The following NRG3 variants were observed in gnomAD, a reference collection of about 807,000 sequenced individuals.
NRG3 encodes pro-neuregulin-3, membrane-bound isoform.
A neutral mutation model predicts 66.9 loss-of-function variants in NRG3; 31 were observed. The observed-to-expected ratio is 0.46, with a 90% CI of 0.35 to 0.63. The LOEUF (loss-of-function observed/expected upper bound fraction) is 0.63. NRG3 is among the 20% of genes least tolerant of loss of function. The pLI is 0.00. For synonymous variants in NRG3, 393 were observed against 359.4 expected, an observed-to-expected ratio of 1.09 and a Z score of -1.06; for missense variants, 910 against 878.9, an observed-to-expected ratio of 1.04 and a Z score of -0.45.
chr10:82,822,334 C>T (rs571604151), intron 3 of NRG3, among the ~76,000 whole-genome samples: 6 of 152,086 alleles, frequency 3.9e-5, no homozygotes, highest in African/African-American at 7.2e-5. Flanking sequence ...ACATCTGAGA[C>T]GGGGAGTTCC....
At chr10:82,727,633 C>T (rs1784649161) in intron 2 of NRG3, among the ~76,000 whole-genome samples, 1 of 152,220 alleles carries the variant, frequency 6.6e-6, no homozygotes, top group African/African-American at 2.4e-5. Flanking sequence ...AGAACCTCTG[C>T]TAGGGCAGTG....
Position 81,981,944 on chromosome 10 carries a change from C to G in NRG3, c.823+105781C>G, listed in dbSNP as rs561316299. 2.0e-5 allele frequency among the ~76,000 whole-genome samples: 3 copies of G among 152,168 alleles called. No individual in the cohort carries two copies. The South Asian group carries it at 6.2e-4, about 32-fold the overall frequency. ...AAGTGATTAGATCTATGAGTCACAT[C>G]CATAATTTCTTTATGGAGTAATTGT... On this transcript the variant is annotated intron_variant, in intron 1 of 8. Coordinates refer to ENST00000372141, the MANE Select transcript of NRG3 (RefSeq NM_001010848.4).
intron 1 of NRG3, among the ~76,000 whole-genome samples, chr10:82,098,114 TC>T (rs2066476262): frequency 6.6e-6 from 1 of 151,334 alleles, no homozygotes; most frequent in Non-Finnish European, 1.5e-5. Context: ...TATATAGATG[TC>T]TCATATATAG....
intron 2 of NRG3, among the ~76,000 whole-genome samples, chr10:82,423,163 T>C (rs1250766564): frequency 6.6e-6 from 1 of 151,978 alleles, no homozygotes; most frequent in East Asian, 1.9e-4. Context: ...TTCTCTGATG[T>C]CTAAAACAAA....
Position 82,634,854 on chromosome 10 carries a change from T to C in NRG3, c.954-103723T>C, listed in dbSNP as rs117473297. Among the ~76,000 whole-genome samples the C allele has an allele frequency of 8.7e-4, 132 of 152,274 alleles. No homozygotes were observed. The East Asian group carries it at 0.024, about 28-fold the overall frequency. ...TTTATAATGTTACATTGTTATAAAT[T>C]GTAGGGGTAGAAGACAAGAGAAGCC... On this transcript the variant is annotated intron_variant, in intron 2 of 8. Transcript: ENST00000372141.
intron 6 of NRG3, among the ~76,000 whole-genome samples, chr10:82,968,521 A>G (rs1261335482): frequency 1.3e-5 from 2 of 152,242 alleles, no homozygotes; most frequent in Non-Finnish European, 2.9e-5. Flanking sequence ...GAACAGGTTA[A>G]GAGGTTAATT....
intron 7 of NRG3, among the ~76,000 whole-genome samples, chr10:82,976,710 G>C (rs1216164317): frequency 6.6e-6 from 1 of 152,156 alleles, no homozygotes; most frequent in Non-Finnish European, 1.5e-5. Flanking sequence ...TGTGGGTTCA[G>C]TGTAAGGCAC....
At chr10:82,698,405 A>C (rs1462328458) in intron 2 of NRG3, among the ~76,000 whole-genome samples, 1 of 152,172 alleles carries the variant, frequency 6.6e-6, no homozygotes, top group East Asian at 1.9e-4. Context: ...ACAGGGGAAA[A>C]AGTCTACTCA....
At chr10:82,704,528 G>A (rs2056144092) in intron 2 of NRG3, among the ~76,000 whole-genome samples, 1 of 152,120 alleles carries the variant, frequency 6.6e-6, no homozygotes, top group South Asian at 2.1e-4. Flanking sequence ...CACTACCAAA[G>A]GAGGAACTTG....
chr10:82,527,624 G>A (rs1846846755), intron 2 of NRG3, among the ~76,000 whole-genome samples: 1 of 152,146 alleles, frequency 6.6e-6, no homozygotes, highest in African/African-American at 2.4e-5. Flanking sequence ...CAGCCAAAAG[G>A]GAGTCTCCAG....
intron 2 of NRG3, among the ~76,000 whole-genome samples, chr10:82,561,646 C>T (rs2045052775): frequency 6.6e-6 from 1 of 152,104 alleles, no homozygotes; most frequent in Admixed American, 6.6e-5. Flanking sequence ...TATTTCTTCC[C>T]AACACTCCCA....
chr10:82,366,669 C>G (rs529654650), intron 2 of NRG3, among the ~76,000 whole-genome samples: 5 of 151,984 alleles, frequency 3.3e-5, no homozygotes, highest in African/African-American at 1.2e-4. Flanking sequence ...AGGCTGTTGA[C>G]TTTTTTATTT....
At chr10:82,764,292 T>C (rs985552236) in intron 3 of NRG3, among the ~76,000 whole-genome samples, 64 of 152,070 alleles carry the variant, frequency 4.2e-4, no homozygotes, top group African/African-American at 1.5e-3. Context: ...GCTTCAGCTT[T>C]CTAGAGTGCT....
intron 2 of NRG3, among the ~76,000 whole-genome samples, chr10:82,408,085 C>CAGAAAGAAAGAAAG (rs2087716764): frequency 4.0e-5 from 3 of 74,854 alleles, no homozygotes; most frequent in African/African-American, 1.8e-4. Context: ...GAGAGAGAGA[C>CAGAAAGAAAGAAAG]AGAAAGAAAG....
intron 1 of NRG3, among the ~76,000 whole-genome samples, chr10:81,948,170 G>T (rs1040964659): frequency 1.3e-5 from 2 of 152,062 alleles, no homozygotes; most frequent in South Asian, 2.1e-4. Context: ...GAAAGTTGTT[G>T]TTTATGTTGT....
At chr10:82,766,574 A>C (rs1352624533) in intron 3 of NRG3, among the ~76,000 whole-genome samples, 1 of 152,152 alleles carries the variant, frequency 6.6e-6, no homozygotes, top group Admixed American at 6.6e-5. Context: ...CTAGTATAAC[A>C]TTGTTTCTCT....
At chr10:82,727,049 T>C (rs2057642535) in intron 2 of NRG3, among the ~76,000 whole-genome samples, 1 of 152,146 alleles carries the variant, frequency 6.6e-6, no homozygotes, top group Admixed American at 6.5e-5. Context: ...GTGGAAGAAA[T>C]TTCCAAGCAG....
In NRG3 at chr10:82,447,372, C is replaced by G. The variant is rs909713197; in HGVS notation, c.953+88504C>G. On this transcript the variant is annotated intron_variant, in intron 2 of 8. Transcript: ENST00000372141. ...GCTGAGGCAGGAGGATCTCTTGAGT[C>G]CAGGAGTTTCAGACCAGCCTGGACA... 7.9e-5 allele frequency among the ~76,000 whole-genome samples: 12 copies of G among 152,186 alleles called. 1 individual carries two copies. The highest frequency in any genetic ancestry group is 2.9e-4 in the African/African-American group (12 of 41,534).
At chr10:82,940,850 T>C (rs563986630) in intron 4 of NRG3, among the ~76,000 whole-genome samples, 1 of 152,208 alleles carries the variant, frequency 6.6e-6, no homozygotes, top group South Asian at 2.1e-4. Flanking sequence ...TATGATTCCA[T>C]AGGGCATTAG....
Sources: allele counts gnomAD v4.1 joint callset (sites outside exome capture counted in the v4.1 genomes callset), GRCh38; gene constraint gnomAD v4.1.1; transcripts MANE v1.5; gene names NCBI Gene and HGNC (gene_info 2026-07-23, HGNC 2026-07-21).